GPC5: variants seen among roughly 807,000 people sequenced by gnomAD.
GPC5 encodes glypican 5, also known as glypican-5.
Under a neutral mutation model 53.9 loss-of-function variants are expected in GPC5, and 47 were observed. The ratio of observed to expected loss-of-function variants is 0.87; its 90% confidence interval spans 0.69 to 1.11. The LOEUF (loss-of-function observed/expected upper bound fraction) is 1.11, where lower values mean the gene tolerates loss of function less well. Ranked by LOEUF, GPC5 falls within the 50% of genes most tolerant of loss-of-function variation. The pLI, the probability that GPC5 is intolerant of heterozygous loss-of-function variation, is 0.00. For missense variants in GPC5, 748 were observed against 713.1 expected (o/e 1.05, Z -0.56); for synonymous variants, 286 against 263.3 (o/e 1.09, Z -0.84).
chr13:92,784,582 A>G (rs75912711), intron 7 of GPC5, among the ~76,000 whole-genome samples: 1 of 152,136 alleles, frequency 6.6e-6, no homozygotes, highest in African/African-American at 2.4e-5. Flanking sequence ...AATATTAAAG[A>G]TGAAAATAAA....
chr13:91,485,694 TAC>T (rs1883569520), intron 2 of GPC5: 1 of 152,202 alleles, frequency 6.6e-6, no homozygotes. Context: ...TGATTAAGTA[TAC>T]AGTTTATTCA....
rs71432008 is a variant in GPC5 at position 92,294,809 on chromosome 13, C to G, written c.1561+149820C>G. Among the ~76,000 whole-genome samples the G allele has an allele frequency of 4.1e-3, 372 of 90,216 alleles. 2 individuals carry two copies. Among genetic ancestry groups the G allele is most frequent in the Middle Eastern group, 0.013 (2 of 156 alleles). 59.2% of individuals were successfully genotyped at this position (90,216 alleles called of 152,430 possible). ...CTTAGATTATCTGTTTGTGCTGTTT[C>G]TTTCTTTTTTTTTTTTCTTTTTTTT... On this transcript the variant is annotated intron_variant, in intron 7 of 7. Coordinates refer to ENST00000377067, the MANE Select transcript of GPC5 (RefSeq NM_004466.6).
intron 7 of GPC5, among the ~76,000 whole-genome samples, chr13:92,217,596 A>G (rs1460700122): frequency 6.6e-6 from 1 of 152,182 alleles, no homozygotes; most frequent in Non-Finnish European, 1.5e-5. Context: ...TTCAGAGTGG[A>G]GCCCCGTGTC....
intron 1 of GPC5, among the ~76,000 whole-genome samples, chr13:91,438,550 G>A (rs1374266647): frequency 6.6e-6 from 1 of 152,188 alleles, no homozygotes; most frequent in African/African-American, 2.4e-5. Context: ...ACCCGGACTT[G>A]TGAGGTGTCA....
intron 7 of GPC5, among the ~76,000 whole-genome samples, chr13:92,768,204 T>C (rs1359159321): frequency 6.6e-6 from 1 of 152,224 alleles, no homozygotes; most frequent in Non-Finnish European, 1.5e-5. Context: ...ACTTTTCAGC[T>C]AAAATACAAA....
At chr13:92,040,456 G>GA (rs1484729142) in intron 6 of GPC5, among the ~76,000 whole-genome samples, 6 of 152,212 alleles carry the variant, frequency 3.9e-5, no homozygotes, top group African/African-American at 1.4e-4. Flanking sequence ...AAGCCGGTTA[G>GA]AAAATGAATG....
At chr13:91,993,907 G>C (rs2040480549) in intron 6 of GPC5, among the ~76,000 whole-genome samples, 1 of 152,154 alleles carries the variant, frequency 6.6e-6, no homozygotes, top group Non-Finnish European at 1.5e-5. Context: ...ACTTGATACA[G>C]TACGAAGTCC....
At chr13:92,765,798 C>A (rs1280897298) in intron 7 of GPC5, among the ~76,000 whole-genome samples, 1 of 151,446 alleles carries the variant, frequency 6.6e-6, no homozygotes, top group Non-Finnish European at 1.5e-5. Flanking sequence ...TTTTAAGGGG[C>A]CAGATAGTAA....
chr13:91,821,124 G>A (rs1594594513), intron 5 of GPC5, among the ~76,000 whole-genome samples: 2 of 152,238 alleles, frequency 1.3e-5, no homozygotes, highest in South Asian at 2.1e-4. Flanking sequence ...AACATAGTAT[G>A]CAGCTTCATT....
At chr13:92,846,933 G>C (rs1287005546) in intron 7 of GPC5, among the ~76,000 whole-genome samples, 2 of 152,134 alleles carry the variant, frequency 1.3e-5, no homozygotes, top group African/African-American at 2.4e-5. Context: ...GTTGGTGTTA[G>C]AACTATACAC....
intron 7 of GPC5, among the ~76,000 whole-genome samples, chr13:92,851,857 C>G (rs1368939658): frequency 7.1e-6 from 1 of 140,510 alleles, no homozygotes; most frequent in Non-Finnish European, 1.5e-5. Flanking sequence ...CAGTGCACTC[C>G]AGCCTGAGTG....
At chr13:91,974,356 A>G (rs946281431) in intron 6 of GPC5, among the ~76,000 whole-genome samples, 10 of 152,176 alleles carry the variant, frequency 6.6e-5, no homozygotes, top group Non-Finnish European at 1.2e-4. Context: ...ACATGATTGT[A>G]TATCTAGAAA....
intron 2 of GPC5, among the ~76,000 whole-genome samples, chr13:91,589,568 A>G (rs187572961): frequency 3.2e-4 from 49 of 152,236 alleles, no homozygotes; most frequent in Admixed American, 3.0e-3. Flanking sequence ...TAGGAAGGAG[A>G]GATCTATAAA....
At chr13:92,292,916 A>G (rs990182331) in intron 7 of GPC5, among the ~76,000 whole-genome samples, 4 of 151,844 alleles carry the variant, frequency 2.6e-5, no homozygotes, top group African/African-American at 7.3e-5. Context: ...CATTTGTTGA[A>G]AAGAGTGTCC....
intron 7 of GPC5, among the ~76,000 whole-genome samples, chr13:92,738,507 T>C (rs904771211): frequency 1.3e-5 from 2 of 152,088 alleles, no homozygotes; most frequent in African/African-American, 4.8e-5. Flanking sequence ...GGATGGTTCT[T>C]TTAGGAAATG....
At chr13:92,213,803 A>G (rs2042391630) in intron 7 of GPC5, among the ~76,000 whole-genome samples, 1 of 152,172 alleles carries the variant, frequency 6.6e-6, no homozygotes, top group Admixed American at 6.5e-5. Context: ...TGCTTTCATT[A>G]GATAGATCTG....
At chr13:91,553,715 T>C (rs1232444893) in intron 2 of GPC5, among the ~76,000 whole-genome samples, 1 of 152,118 alleles carries the variant, frequency 6.6e-6, no homozygotes, top group Non-Finnish European at 1.5e-5. Flanking sequence ...AGCAAAGTTA[T>C]GTATTTCTAA....
chr13:91,869,315 T>G (rs980610443), intron 5 of GPC5, among the ~76,000 whole-genome samples: 1 of 152,074 alleles, frequency 6.6e-6, no homozygotes, highest in Non-Finnish European at 1.5e-5. Context: ...CGCCTCAGCC[T>G]CCCAAAGTGC....
At chr13:92,527,485 G>A (rs2769299) in intron 7 of GPC5, among the ~76,000 whole-genome samples, 100,044 of 151,868 alleles carry the variant, frequency 0.66, 33,303 homozygotes, top group East Asian at 0.75. Flanking sequence ...AGGTGTGGCT[G>A]TTGCATTTGG....
Sources: gnomAD v4.1 joint callset for allele counts (sites outside exome capture counted in the v4.1 genomes callset) on GRCh38, gnomAD v4.1.1 for gene constraint, MANE v1.5 for transcripts, NCBI Gene and HGNC (gene_info 2026-07-23, HGNC 2026-07-21) for gene names.